IGF2BP3: variants seen among roughly 807,000 people sequenced by gnomAD.
IGF2BP3 encodes the protein insulin-like growth factor 2 mRNA-binding protein 3.
IGF2BP3 carries 9 observed loss-of-function variants against 73.8 expected under a neutral mutation model. That is an observed-to-expected ratio of 0.12 (90% CI 0.07 to 0.21). The LOEUF is 0.21. IGF2BP3 is among the 10% of genes least tolerant of loss of function. The pLI is 1.00. For missense variants in IGF2BP3, 542 were observed against 714.0 expected, an observed-to-expected ratio of 0.76 and a Z score of 2.75; for synonymous variants, 258 against 256.7, an observed-to-expected ratio of 1.01 and a Z score of -0.05.
At chr7:23,395,177 A>G (rs1032189090) in intron 3 of IGF2BP3, among the ~76,000 whole-genome samples, 2 of 152,220 alleles carry the variant, frequency 1.3e-5, no homozygotes, top group Non-Finnish European at 2.9e-5. Context: ...TTTTCCTTAA[A>G]GTTTTTTTAA....
intron 2 of IGF2BP3, among the ~76,000 whole-genome samples, chr7:23,454,793 T>C (rs1788278186): frequency 6.6e-6 from 1 of 152,168 alleles, no homozygotes; most frequent in Admixed American, 6.6e-5. Flanking sequence ...GTCTATCACA[T>C]TTTTCTCCAA....
chr7:23,334,329 C>T (rs1784518744), intron 10 of IGF2BP3, among the ~76,000 whole-genome samples: 1 of 151,810 alleles, frequency 6.6e-6, no homozygotes, highest in Non-Finnish European at 1.5e-5. Context: ...GACTCTGTCT[C>T]AAAAAATAAA....
At chr7:23,453,451 C>G (rs1465655699) in intron 2 of IGF2BP3, among the ~76,000 whole-genome samples, 1 of 152,122 alleles carries the variant, frequency 6.6e-6, no homozygotes, top group Non-Finnish European at 1.5e-5. Flanking sequence ...TATAGTATAA[C>G]CTAAGAATTC....
intron 3 of IGF2BP3, among the ~76,000 whole-genome samples, chr7:23,407,196 A>G (rs1235803876): frequency 6.6e-6 from 1 of 151,330 alleles, no homozygotes; most frequent in Non-Finnish European, 1.5e-5. Context: ...AAAAAAAAAA[A>G]GAAAAAAAGA....
At chr7:23,408,262 G>C (rs1008963407) in intron 3 of IGF2BP3, among the ~76,000 whole-genome samples, 1 of 152,082 alleles carries the variant, frequency 6.6e-6, no homozygotes, top group African/African-American at 2.4e-5. Flanking sequence ...AAGGCATACA[G>C]ACTATAAAGG....
At chr7:23,320,255 G>C (rs1212623399) in intron 10 of IGF2BP3, among the ~76,000 whole-genome samples, 1 of 152,106 alleles carries the variant, frequency 6.6e-6, no homozygotes, top group Non-Finnish European at 1.5e-5. Flanking sequence ...ATATTTTGTA[G>C]GCTAACTCCT....
chr7:23,384,501 T>C (rs1039670280), intron 3 of IGF2BP3, among the ~76,000 whole-genome samples: 1 of 152,186 alleles, frequency 6.6e-6, no homozygotes, highest in Non-Finnish European at 1.5e-5. Context: ...AGAATGAGAC[T>C]GGAAACAATT....
chr7:23,450,592 C>T (rs556387258), intron 2 of IGF2BP3: 23 of 152,072 alleles, frequency 1.5e-4, no homozygotes, highest in Non-Finnish European at 2.1e-4. Context: ...GTAACAAGTA[C>T]AAAAAAAATT....
At chr7:23,372,301 C>T (rs993656128) in intron 3 of IGF2BP3, among the ~76,000 whole-genome samples, 1 of 152,090 alleles carries the variant, frequency 6.6e-6, no homozygotes, top group Non-Finnish European at 1.5e-5. Flanking sequence ...CCTCAAACTC[C>T]TGACCTCGTG....
intron 3 of IGF2BP3, among the ~76,000 whole-genome samples, chr7:23,387,215 A>G (rs1435463115): frequency 6.6e-6 from 1 of 152,226 alleles, no homozygotes; most frequent in East Asian, 1.9e-4. Flanking sequence ...TCCTCCTAGA[A>G]AGTCCATAAA....
rs528040829 is a variant in IGF2BP3 at position 23,310,326 on chromosome 7, T to C, written c.*2036A>G. ...ATATGGTGAGTACAAAACTCAATTATAGAATTATTTCTTAGCTAGTACCAG... is the reference window on the plus strand; with the variant it reads ...ATATGGTGAGTACAAAACTCAATTACAGAATTATTTCTTAGCTAGTACCAG... On this transcript the variant is annotated 3_prime_UTR_variant, in exon 15 of 15. Transcript: ENST00000258729. 3 of 152,360 alleles carry C rather than the reference T, an allele frequency of 2.0e-5. No homozygotes were observed. The highest frequency in any genetic ancestry group is 6.5e-5 in the Admixed American group (1 of 15,304). 9.4% of individuals were successfully genotyped at this position (152,360 alleles called of 1,614,324 possible).
chr7:23,319,120 C>T lies in IGF2BP3; in HGVS notation c.1320+18G>A. ...ACTTACTTAAAGAACCAGAGAACCA[C>T]AGCTGGTAGAACAGTACCTTAATTG... On this transcript the variant is annotated intron_variant, in intron 11 of 14. Coordinates refer to ENST00000258729, the MANE Select transcript of IGF2BP3 (RefSeq NM_006547.3). The T allele has an allele frequency of 6.7e-7, 1 of 1,481,976 alleles. No individual in the cohort carries two copies. Among genetic ancestry groups the T allele is most frequent in the Non-Finnish European group, 9.3e-7 (1 of 1,073,056 alleles). The allele number at this position is 1,481,976 out of a possible 1,614,324, so 91.8% of individuals were successfully genotyped here.
chr7:23,465,140 A>T (rs1398424216), intron 2 of IGF2BP3, among the ~76,000 whole-genome samples: 1 of 152,176 alleles, frequency 6.6e-6, no homozygotes, highest in Non-Finnish European at 1.5e-5. Flanking sequence ...GGGCACAAAC[A>T]AGGCCCCACA....
At chr7:23,365,340 T>G (rs560933846) in intron 3 of IGF2BP3, among the ~76,000 whole-genome samples, 1 of 152,330 alleles carries the variant, frequency 6.6e-6, no homozygotes, top group South Asian at 2.1e-4. Context: ...TGTTCAGTAA[T>G]TAAGTATATT....
At chr7:23,386,225 G>A (rs755696028) in intron 3 of IGF2BP3, among the ~76,000 whole-genome samples, 10 of 152,102 alleles carry the variant, frequency 6.6e-5, no homozygotes, top group African/African-American at 1.7e-4. Flanking sequence ...TTGGCCAGGC[G>A]TGCTGGCTCA....
At chr7:23,398,330 G>C (rs1786545105) in intron 3 of IGF2BP3, among the ~76,000 whole-genome samples, 1 of 152,148 alleles carries the variant, frequency 6.6e-6, no homozygotes, top group Non-Finnish European at 1.5e-5. Context: ...CATTTGGGTT[G>C]GTTCCAAGTC....
At chr7:23,400,621 G>C (rs949515462) in intron 3 of IGF2BP3, among the ~76,000 whole-genome samples, 8 of 152,186 alleles carry the variant, frequency 5.3e-5, no homozygotes, top group African/African-American at 1.4e-4. Context: ...GAAATACTTA[G>C]ATGCCCAAGA....
chr7:23,462,418 G>A (rs1187755068), intron 2 of IGF2BP3, among the ~76,000 whole-genome samples: 1 of 150,004 alleles, frequency 6.7e-6, no homozygotes. Context: ...CTGGAGTGCA[G>A]TAGCGCGATC....
At chr7:23,467,943 TG>T (rs1788606635) in intron 2 of IGF2BP3, 1 of 158,376 alleles carries the variant, frequency 6.3e-6, no homozygotes, top group Non-Finnish European at 1.4e-5. Context: ...AAGGCACTTC[TG>T]GGCCAGAGAG....
Sources: gnomAD v4.1 joint callset for allele counts (sites outside exome capture counted in the v4.1 genomes callset) on GRCh38, gnomAD v4.1.1 for gene constraint, MANE v1.5 for transcripts, NCBI Gene and HGNC (gene_info 2026-07-23, HGNC 2026-07-21) for gene names.